The following CACNA1I variants were observed in gnomAD, a reference collection of about 807,000 sequenced individuals.
The protein encoded by CACNA1I is calcium voltage-gated channel subunit alpha1 I.
In CACNA1I, 74 loss-of-function variants were observed where a neutral mutation model predicts 201.6. The ratio of observed to expected loss-of-function variants is 0.37; its 90% CI spans 0.30 to 0.45. The LOEUF (loss-of-function observed/expected upper bound fraction) is 0.45. CACNA1I is among the 20% of genes least tolerant of loss of function. CACNA1I has a pLI of 1.00. For missense variants in CACNA1I, 2,346 were observed against 3,138.1 expected (o/e 0.75, Z 6.03); for synonymous variants, 1,431 against 1,345.2 (o/e 1.06, Z -1.40).
Position 39,659,555 on chromosome 22 carries a change from G to A in CACNA1I, c.2448+5G>A. On this transcript the variant is annotated splice_donor_5th_base_variant and intron_variant, in intron 13 of 36. Coordinates refer to ENST00000402142, the MANE Select transcript of CACNA1I (RefSeq NM_021096.4). This position sits in a 1 kb window ranked among gnomAD's most constrained non-coding sequence, Gnocchi z 4.3. Reference sequence around the variant, plus strand: ...GCCATCGTCACTGTGTTCCAGGTGAGTGGCCGCTGCGTGTTCATGTTTGCT... The same window carrying A: ...GCCATCGTCACTGTGTTCCAGGTGAATGGCCGCTGCGTGTTCATGTTTGCT... 1 of 1,606,444 alleles carries A rather than the reference G, an allele frequency of 6.2e-7. No individual in the cohort carries two copies. Among genetic ancestry groups the A allele is most frequent in the Admixed American group, 1.7e-5 (1 of 59,248 alleles).
chr22:39,593,932 G>A (rs890988102), intron 1 of CACNA1I, among the ~76,000 whole-genome samples: 1 of 152,226 alleles, frequency 6.6e-6, no homozygotes, highest in Non-Finnish European at 1.5e-5. Flanking sequence ...CAAGTGCCTG[G>A]TTATCGTGTG....
intron 1 of CACNA1I, among the ~76,000 whole-genome samples, chr22:39,583,197 A>ATCCATCC (rs1569046900): frequency 8.4e-6 from 1 of 119,684 alleles, no homozygotes; most frequent in Non-Finnish European, 1.8e-5. Flanking sequence ...TCTATCCAAC[A>ATCCATCC]ATCCATCCAT....
chr22:39,623,907 T>C (rs939143005), intron 4 of CACNA1I, among the ~76,000 whole-genome samples: 2 of 128,754 alleles, frequency 1.6e-5, no homozygotes, highest in African/African-American at 6.0e-5. Context: ...TGTGCGCCTG[T>C]GAGGGTGTAT....
In CACNA1I at chr22:39,654,040, A is replaced by G. The variant is rs181356449; in HGVS notation, c.1993-4112A>G. Among the ~76,000 whole-genome samples, 1,023 of 152,224 alleles carry G rather than the reference A, an allele frequency of 6.7e-3. 8 individuals are homozygous for G. Among genetic ancestry groups the G allele is most frequent in the Middle Eastern group, 0.024 (7 of 294 alleles). ...AGGGAGGCCTGATTCCTTCATCATC[A>G]CCGCCATCACTGCATCACAGCTCTT... On this transcript the variant is annotated intron_variant, in intron 10 of 36. Transcript: ENST00000402142.
intron 10 of CACNA1I, among the ~76,000 whole-genome samples, chr22:39,656,922 T>C (rs891251646): frequency 5.3e-5 from 8 of 152,304 alleles, no homozygotes; most frequent in Non-Finnish European, 7.4e-5. Flanking sequence ...GGCACCACAG[T>C]GAGCACACAC....
In CACNA1I at chr22:39,686,315, G is replaced by A; in HGVS notation, c.6582G>A (p.Leu2194=). 1 of 1,330,578 alleles carries A rather than the reference G, an allele frequency of 7.5e-7. No individual in the cohort carries two copies. Among genetic ancestry groups the A allele is most frequent in the Non-Finnish European group, 9.6e-7 (1 of 1,037,436 alleles). The allele number at this position is 1,330,578 out of a possible 1,614,324, so 82.4% of individuals were successfully genotyped here. A position where few individuals can be genotyped will look rare whatever the true frequency, so the allele number is the denominator to read the frequency against. Residue 2194 remains leucine, a synonymous_variant, in exon 37 of 37, where the codon CTG becomes CTA. Coordinates refer to ENST00000402142, the MANE Select transcript of CACNA1I (RefSeq NM_021096.4). ...AGGACCCCCCCGGCCGGGCACCGCT[G>A]CCCATGGGCCTGGGCCCCTTGGCGC... The part of the protein sequence containing the change: ...RSKDPPGRAP[L]PMGLGPLAPP...
intron 24 of CACNA1I, among the ~76,000 whole-genome samples, chr22:39,669,711 G>A (rs1440710392): frequency 6.6e-6 from 1 of 151,892 alleles, no homozygotes; most frequent in Admixed American, 6.6e-5. Context: ...GGATGGATGG[G>A]TGGGTGAGTG....
At position 39,643,082 on chromosome 22, in the gene CACNA1I, C is replaced by T. The variant is rs117572838; in HGVS notation, c.1149+193C>T. ...GAAGGGGCTCATCAGGGGCGGCTGT[C>T]GGGAGCATCCAACACCTTCGATTGC... On this transcript the variant is annotated intron_variant, in intron 7 of 36. Transcript: ENST00000402142. 1.6e-4 allele frequency among the ~76,000 whole-genome samples: 25 copies of T among 152,300 alleles called. No homozygotes were observed. The East Asian group carries it at 1.7e-3, about 11-fold the overall frequency.
chr22:39,667,845 C>G (rs937164448), intron 23 of CACNA1I, among the ~76,000 whole-genome samples: 1 of 152,210 alleles, frequency 6.6e-6, no homozygotes, highest in Non-Finnish European at 1.5e-5. Flanking sequence ...CTCTCACGAG[C>G]TCCTGTTTTC....
At chr22:39,662,463 C>T (rs1448084981) in intron 17 of CACNA1I, 28 bp downstream of exon 17, 1 of 1,383,196 alleles carries the variant, frequency 7.2e-7, no homozygotes, top group African/African-American at 1.5e-5. Context: ...CGAAGGGGAC[C>T]TGGTGCGGTG....
chr22:39,570,842 C>G lies in CACNA1I; in HGVS notation c.90C>G (p.Ser30Arg). The change falls in exon 1 of 37, where the codon AGC becomes AGG. Residue 30 changes from serine (S) to arginine (R), a missense_variant. Physicochemically the swap from Ser to Arg is moderately radical, Grantham distance 110 (BLOSUM62 -1). Transcript: ENST00000402142. ...CCACGGAGCAGCCCGGACCCCGGAG[C>G]CCCCCATCCTCCCCGCCAGGCCTGG... ...GVTTEQPGPR[S>R]PPSSPPGLEE... The G allele has an allele frequency of 1.2e-6, 2 of 1,613,430 alleles. No homozygotes were observed. The highest frequency in any genetic ancestry group is 1.7e-6 in the Non-Finnish European group (2 of 1,179,668).
intron 14 of CACNA1I, among the ~76,000 whole-genome samples, 181 bp from the exon 15 acceptor site, chr22:39,660,163 G>C (rs1482811503): frequency 6.6e-6 from 1 of 152,210 alleles, no homozygotes; most frequent in African/African-American, 2.4e-5. Context: ...GGGGATACTT[G>C]CAGTCAGGCA....
At chr22:39,650,038 A>C in intron 10 of CACNA1I, 113 bp downstream of exon 10, 1 of 1,173,676 alleles carries the variant, frequency 8.5e-7, no homozygotes, top group East Asian at 2.5e-5. Context: ...CTGTCCACCT[A>C]GAAGTGCCGG....
chr22:39,668,605 C>A (rs976094572), intron 24 of CACNA1I, among the ~76,000 whole-genome samples: 7 of 152,180 alleles, frequency 4.6e-5, no homozygotes, highest in Admixed American at 2.6e-4. Flanking sequence ...CAAACCCCCC[C>A]ACTTTGTGTG....
intron 4 of CACNA1I, among the ~76,000 whole-genome samples, chr22:39,623,874 GGT>G (rs1044776453): frequency 4.1e-5 from 6 of 145,764 alleles, no homozygotes; most frequent in South Asian, 2.2e-4. Flanking sequence ...TGCCTGTGAG[GGT>G]GTGTGTGTGT....
At chr22:39,594,093 G>A (rs1271962669) in intron 1 of CACNA1I, among the ~76,000 whole-genome samples, 2 of 152,172 alleles carry the variant, frequency 1.3e-5, no homozygotes, top group African/African-American at 4.8e-5. Flanking sequence ...AGAGGAGAGC[G>A]CTGGCCTTGG....
chr22:39,682,176 A>G (rs758923972), intron 34 of CACNA1I, among the ~76,000 whole-genome samples: 3 of 152,148 alleles, frequency 2.0e-5, no homozygotes, highest in Non-Finnish European at 4.4e-5. Context: ...GGACCCACCC[A>G]AGGTCATGCT....
intron 33 of CACNA1I, 43 bp from the exon 34 acceptor site, chr22:39,680,887 A>C: frequency 6.3e-7 from 1 of 1,585,612 alleles, no homozygotes. Flanking sequence ...AGGTCTGCCC[A>C]TCCCAAACCT....
chr22:39,619,044 G>A (rs938542625), intron 3 of CACNA1I, among the ~76,000 whole-genome samples: 7 of 152,180 alleles, frequency 4.6e-5, no homozygotes, highest in African/African-American at 1.7e-4. Context: ...GCACAGCGCT[G>A]GGCACACAGT....
Sources: allele counts gnomAD v4.1 joint callset (sites outside exome capture counted in the v4.1 genomes callset), GRCh38; gene constraint gnomAD v4.1.1; non-coding constraint Gnocchi (gnomAD v3.1); transcripts MANE v1.5; gene names NCBI Gene and HGNC (gene_info 2026-07-23, HGNC 2026-07-21).